SLC4A5: variants seen among roughly 807,000 people sequenced by gnomAD.
The protein encoded by SLC4A5 is solute carrier family 4 member 5.
Under a neutral mutation model 120.4 loss-of-function variants are expected in SLC4A5, and 96 were observed. The ratio of observed to expected loss-of-function variants is 0.80; its 90% CI spans 0.68 to 0.94. SLC4A5 has a LOEUF of 0.94. Ranked by LOEUF, SLC4A5 falls within the 40% of genes least tolerant of loss-of-function variation. The pLI, the probability that SLC4A5 is intolerant of heterozygous loss-of-function variation, is 0.00. For missense variants in SLC4A5, 1,259 were observed against 1,459.5 expected, an observed-to-expected ratio of 0.86 and a Z score of 2.24; for synonymous variants, 550 against 571.1, an observed-to-expected ratio of 0.96 and a Z score of 0.53.
At chr2:74,253,841 GT>G (rs11319972) in intron 14 of SLC4A5, among the ~76,000 whole-genome samples, 2,834 of 152,290 alleles carry the variant, frequency 0.019, 86 homozygotes, top group African/African-American at 0.065. Flanking sequence ...CGAGAATGAT[GT>G]TAGCATCACT....
At chr2:74,239,535 A>G (rs767097265) in exon 21 of SLC4A5, 3 of 1,613,844 alleles carry the variant, frequency 1.9e-6, no homozygotes, top group Non-Finnish European at 1.7e-6. Flanking sequence ...AGGAGGTTGT[A>G]CTTGGAGACC....
Position 74,285,846 on chromosome 2 carries a change from T to G in SLC4A5, c.328A>C (p.Asn110His), listed in dbSNP as rs759924763. 1.9e-6 allele frequency: 3 copies of G among 1,612,904 alleles called. No individual in the cohort carries two copies. The East Asian group carries it at 6.7e-5, about 36-fold the overall frequency. ...TCCATCTCTGTAAAGAGGGTGGGGT[T>G]GGGAGCCTCATCTTCCTCCCCCAGG... The change falls in exon 8 of 31, where the codon AAC becomes CAC. Residue 110 changes from asparagine to histidine, a missense_variant. Asn to His is a moderately conservative substitution (Grantham distance 68). Coordinates refer to ENST00000394019, the Ensembl canonical transcript of SLC4A5.
rs532005227 is a variant in SLC4A5 at position 74,240,780 on chromosome 2, A to C, written c.2118+1214T>G. 3.3e-5 allele frequency among the ~76,000 whole-genome samples: 5 copies of C among 152,110 alleles called. No homozygotes were observed. In the South Asian group the frequency reaches 1.0e-3, roughly 32 times the overall value. ...GCAAGACCCCATCTCAAAAAAAAAA[A>C]AACCCTAATCTTTGAAAAATATTAA... is the stretch of plus-strand genomic sequence containing the variant. On this transcript the variant is annotated intron_variant, in intron 20 of 30. Coordinates refer to ENST00000394019, the Ensembl canonical transcript of SLC4A5.
chr2:74,241,287 A>G (rs1201602366), intron 20 of SLC4A5, among the ~76,000 whole-genome samples: 1 of 140,628 alleles, frequency 7.1e-6, no homozygotes, highest in Non-Finnish European at 1.6e-5. Flanking sequence ...TATTATTGAG[A>G]CAGGGTCTCG....
intron 7 of SLC4A5, among the ~76,000 whole-genome samples, chr2:74,303,465 T>C (rs1165748565): frequency 6.6e-6 from 1 of 152,198 alleles, no homozygotes; most frequent in East Asian, 1.9e-4. Flanking sequence ...TACTGTTTAT[T>C]AGGCAGGTTT....
intron 21 of SLC4A5, among the ~76,000 whole-genome samples, chr2:74,236,974 G>A (rs1465346573): frequency 3.0e-5 from 4 of 132,730 alleles, no homozygotes; most frequent in Non-Finnish European, 6.2e-5. Context: ...AGGCAACTGA[G>A]CAATTTTTTT....
rs145116018 is a variant in SLC4A5 at position 74,304,280 on chromosome 2, G to C, written c.271+209C>G. 8.8e-3 allele frequency among the ~76,000 whole-genome samples: 1,337 copies of C among 152,338 alleles called. 27 individuals are homozygous for C. The highest frequency in any genetic ancestry group is 0.029 in the African/African-American group (1,224 of 41,576). ...CAGAGTCGAGGTCTCAAAGTCCCCA[G>C]AGAAAGACAGGGTGTCAGTCTGACC... On this transcript the variant is annotated intron_variant, in intron 7 of 30. Transcript: ENST00000394019.
At chr2:74,238,509 T>C (rs1009483991) in intron 21 of SLC4A5, among the ~76,000 whole-genome samples, 2 of 152,142 alleles carry the variant, frequency 1.3e-5, no homozygotes, top group Admixed American at 1.3e-4. Flanking sequence ...ACTGTGATAC[T>C]GATATATAAA....
chr2:74,233,663 T>C (rs1019474449), intron 22 of SLC4A5, 100 bp from the exon 23 acceptor site: 5 of 1,383,870 alleles, frequency 3.6e-6, no homozygotes, highest in Non-Finnish European at 2.9e-6. Context: ...TTCCCTGACT[T>C]TGGGTACTTT....
chr2:74,220,838 TTTC>T (rs1307524357), intron 30 of SLC4A5, among the ~76,000 whole-genome samples: 11 of 132,660 alleles, frequency 8.3e-5, no homozygotes, highest in African/African-American at 3.5e-4. Context: ...CAATATTTCC[TTTC>T]TTTTTTTTTT....
intron 5 of SLC4A5, among the ~76,000 whole-genome samples, chr2:74,317,547 T>C (rs190036144): frequency 3.1e-4 from 47 of 152,276 alleles, no homozygotes; most frequent in Non-Finnish European, 2.9e-5. Flanking sequence ...CTCAGGTCTC[T>C]CCTCTAGGCT....
chr2:74,244,516 T>C (rs1405832346), intron 19 of SLC4A5, among the ~76,000 whole-genome samples: 3 of 151,424 alleles, frequency 2.0e-5, no homozygotes, highest in African/African-American at 7.3e-5. Context: ...TTCTTTCCCC[T>C]TTCTTTCTCT....
intron 5 of SLC4A5, among the ~76,000 whole-genome samples, chr2:74,326,896 A>G (rs572029547): frequency 6.6e-6 from 1 of 152,312 alleles, no homozygotes; most frequent in African/African-American, 2.4e-5. Context: ...AGCAGACTGC[A>G]TGCCCAAAGC....
intron 19 of SLC4A5, among the ~76,000 whole-genome samples, chr2:74,243,959 T>A (rs1469304252): frequency 6.6e-6 from 1 of 151,826 alleles, no homozygotes; most frequent in African/African-American, 2.4e-5. Context: ...TGAAAGAGAG[T>A]GCCCCCAAAC....
intron 7 of SLC4A5, among the ~76,000 whole-genome samples, chr2:74,301,350 C>T (rs191856803): frequency 6.6e-6 from 1 of 152,320 alleles, no homozygotes; most frequent in East Asian, 1.9e-4. Context: ...GGTCTCTGCT[C>T]AATCCTCCAT....
At chr2:74,259,515 T>G in intron 12 of SLC4A5, 73 bp downstream of exon 12, 1 of 1,495,764 alleles carries the variant, frequency 6.7e-7, no homozygotes, top group South Asian at 1.1e-5. Context: ...CCATAGGGGA[T>G]CCCTGCTCCT....
intron 27 of SLC4A5, 46 bp downstream of exon 27, chr2:74,226,911 C>T: frequency 1.3e-6 from 2 of 1,593,336 alleles, no homozygotes; most frequent in Non-Finnish European, 8.6e-7. Flanking sequence ...CTGGGTTGCC[C>T]AGGCCAACCT....
intron 5 of SLC4A5, among the ~76,000 whole-genome samples, chr2:74,318,012 T>C (rs1383760925): frequency 2.6e-5 from 4 of 152,136 alleles, no homozygotes; most frequent in African/African-American, 7.2e-5. Context: ...AAAGAAACCA[T>C]TAAAACTATG....
chr2:74,259,703 C>T (rs952486231), intron 11 of SLC4A5, 60 bp from the exon 12 acceptor site: 2 of 1,519,938 alleles, frequency 1.3e-6, no homozygotes, highest in Non-Finnish European at 9.1e-7. Flanking sequence ...GGTCCCTTTC[C>T]TATGGGCCCT....
Sources: allele counts gnomAD v4.1 joint callset (sites outside exome capture counted in the v4.1 genomes callset), GRCh38; gene constraint gnomAD v4.1.1; transcripts MANE v1.5; gene names NCBI Gene and HGNC (gene_info 2026-07-23, HGNC 2026-07-21).